DDAH1: variants seen among roughly 807,000 people sequenced by gnomAD.
DDAH1 encodes dimethylarginine dimethylaminohydrolase 1, also known as N(G),N(G)-dimethylarginine dimethylaminohydrolase 1.
Under a neutral mutation model 28.8 loss-of-function variants are expected in DDAH1, and 19 were observed. That is an observed-to-expected ratio of 0.66 (90% CI 0.46 to 0.97). The LOEUF (loss-of-function observed/expected upper bound fraction) is 0.97. Ranked by LOEUF, DDAH1 falls within the 50% of genes least tolerant of loss-of-function variation. DDAH1 has a pLI of 0.00. For missense variants in DDAH1, 326 were observed against 375.9 expected (o/e 0.87, Z 1.10); for synonymous variants, 153 against 154.4 (o/e 0.99, Z 0.07).
chr1:85,464,792 T>C lies in DDAH1; in HGVS notation c.254A>G (p.Glu85Gly). ...GGGTCGGGTGATGAGGGCCGTCTCC[T>C]CGCACACCACGGCCACGTCCTCCAC... ...VFVEDVAVVC[E>G]ETALITRPGA... Residue 85 changes from glutamate to glycine, a missense_variant, in exon 1 of 6, where the codon GAG (glutamate) becomes GGG (glycine). Transcript: ENST00000284031. This position sits in a 1 kb window ranked among gnomAD's most constrained non-coding sequence, Gnocchi z 4.4. 1 of 1,582,378 alleles carries C rather than the reference T, an allele frequency of 6.3e-7. No individual in the cohort carries two copies. Among genetic ancestry groups the C allele is most frequent in the Middle Eastern group, 1.7e-4 (1 of 5,960 alleles).
chr1:85,500,745 T>C (rs551481924), intron 1 of DDAH1, among the ~76,000 whole-genome samples: 12 of 152,292 alleles, frequency 7.9e-5, no homozygotes, highest in Admixed American at 5.2e-4. Context: ...AGAGGCTCTG[T>C]TCATTTTTTT....
intron 1 of DDAH1, among the ~76,000 whole-genome samples, chr1:85,567,595 T>A (rs1659340082): frequency 6.6e-6 from 1 of 152,178 alleles, no homozygotes; most frequent in African/African-American, 2.4e-5. Flanking sequence ...AGGTATGTCT[T>A]TATCAGCAGC....
At chr1:85,533,044 G>A (rs1658144868) in intron 1 of DDAH1, among the ~76,000 whole-genome samples, 1 of 152,104 alleles carries the variant, frequency 6.6e-6, no homozygotes, top group Admixed American at 6.5e-5. Context: ...TCATTTCTAG[G>A]TTTGCTGAAG....
chr1:85,448,934 T>C (rs1654550738), intron 1 of DDAH1, among the ~76,000 whole-genome samples: 1 of 152,228 alleles, frequency 6.6e-6, no homozygotes, highest in African/African-American at 2.4e-5. Context: ...AGCATTTAAT[T>C]GATAAGCTAT....
intron 1 of DDAH1, among the ~76,000 whole-genome samples, chr1:85,526,961 T>C (rs1351776972): frequency 6.6e-6 from 1 of 152,076 alleles, no homozygotes; most frequent in Non-Finnish European, 1.5e-5. Context: ...TAATTACTTA[T>C]ATAAGAAAGG....
At chr1:85,491,711 G>A (rs1429361539) in intron 2 of DDAH1, among the ~76,000 whole-genome samples, 1 of 152,162 alleles carries the variant, frequency 6.6e-6, no homozygotes, top group African/African-American at 2.4e-5. Context: ...CTTGTACATA[G>A]AATGTCTTAT....
chr1:85,534,925 A>G (rs1478718463), intron 1 of DDAH1, among the ~76,000 whole-genome samples: 1 of 152,118 alleles, frequency 6.6e-6, no homozygotes, highest in East Asian at 1.9e-4. Flanking sequence ...ACTTATTTGA[A>G]CTTTGTTGTG....
At chr1:85,571,726 T>C (rs768562658) in intron 1 of DDAH1, among the ~76,000 whole-genome samples, 13 of 151,970 alleles carry the variant, frequency 8.6e-5, no homozygotes, top group Non-Finnish European at 1.3e-4. Context: ...TCCAGAGCCT[T>C]GGAAATTTTA....
At chr1:85,469,734 T>C (rs1373686285), upstream of DDAH1, among the ~76,000 whole-genome samples, 7 of 152,348 alleles carry the variant, frequency 4.6e-5, no homozygotes, top group African/African-American at 1.4e-4. Flanking sequence ...AGTGTAATCA[T>C]AGATTCAATA....
chr1:85,517,786 C>T lies in DDAH1; in HGVS notation c.-122-21505G>A, dbSNP rs12118349. Among the ~76,000 whole-genome samples, 6 of 152,138 alleles carry T rather than the reference C, an allele frequency of 3.9e-5. No homozygotes were observed. In the South Asian group the frequency reaches 8.3e-4, roughly 21 times the overall value. On this transcript the variant is annotated intron_variant, in intron 1 of 6. Coordinates refer to the DDAH1 transcript ENST00000426972. The stretch of plus-strand genomic sequence containing the variant: ...CCCAGGAGAAACAAAGACAGAATAG[C>T]GCCCTCGGAGAAACGAGCTTGTGCC...
chr1:85,331,497 A>G (rs941361473), intron 4 of DDAH1, among the ~76,000 whole-genome samples: 12 of 151,970 alleles, frequency 7.9e-5, no homozygotes, highest in African/African-American at 2.4e-4. Flanking sequence ...ACAACTGACT[A>G]TGGTCTATTG....
chr1:85,504,990 T>C (rs1656963361), intron 1 of DDAH1, among the ~76,000 whole-genome samples: 1 of 24,700 alleles, frequency 4.0e-5, no homozygotes, highest in Non-Finnish European at 1.1e-4. Flanking sequence ...TTTTTTTTTT[T>C]TTTTTTTTTT....
chr1:85,358,596 C>T, intron 2 of DDAH1, 152 bp downstream of exon 2: 1 of 580,554 alleles, frequency 1.7e-6, no homozygotes, highest in Non-Finnish European at 2.9e-6. Context: ...TTGCAGCAAG[C>T]CAAGATGGCG....
intron 4 of DDAH1, among the ~76,000 whole-genome samples, chr1:85,325,602 T>C (rs1647345446): frequency 6.7e-6 from 1 of 149,428 alleles, no homozygotes; most frequent in African/African-American, 2.5e-5. Context: ...GGACCACAAC[T>C]GGAGAGAAAA....
chr1:85,502,244 C>T (rs1254747947), intron 1 of DDAH1, among the ~76,000 whole-genome samples: 1 of 152,166 alleles, frequency 6.6e-6, no homozygotes, highest in African/African-American at 2.4e-5. Context: ...CACAGTATTC[C>T]TCTATTCACC....
At chr1:85,556,988 G>A (rs1365688602) in intron 1 of DDAH1, among the ~76,000 whole-genome samples, 1 of 152,092 alleles carries the variant, frequency 6.6e-6, no homozygotes, top group Non-Finnish European at 1.5e-5. Context: ...GTAGTGGTGG[G>A]CACCTGTAAT....
At chr1:85,351,810 AG>A (rs1359404146) in intron 2 of DDAH1, among the ~76,000 whole-genome samples, 2 of 152,196 alleles carry the variant, frequency 1.3e-5, no homozygotes, top group African/African-American at 4.8e-5. Flanking sequence ...GCCATGGGGA[AG>A]GGTAAATGGG....
chr1:85,566,351 G>T (rs1353325502), intron 1 of DDAH1, among the ~76,000 whole-genome samples: 1 of 151,768 alleles, frequency 6.6e-6, no homozygotes, highest in African/African-American at 2.4e-5. Context: ...AATTATCTGG[G>T]TGTGGTGGTG....
intron 1 of DDAH1, among the ~76,000 whole-genome samples, chr1:85,416,440 C>T (rs1055303763): frequency 6.6e-6 from 1 of 152,100 alleles, no homozygotes; most frequent in African/African-American, 2.4e-5. Flanking sequence ...GGTGATCCAG[C>T]CACCTTGGCC....
Sources: allele counts gnomAD v4.1 joint callset (sites outside exome capture counted in the v4.1 genomes callset), GRCh38; gene constraint gnomAD v4.1.1; non-coding constraint Gnocchi (gnomAD v3.1); transcripts MANE v1.5; gene names NCBI Gene and HGNC (gene_info 2026-07-23, HGNC 2026-07-21).